KCNQ1: variants seen among roughly 807,000 people sequenced by gnomAD.
KCNQ1 encodes the protein potassium voltage-gated channel subfamily KQT member 1.
KCNQ1 carries 49 observed loss-of-function variants against 72.4 expected under a neutral mutation model. The observed-to-expected ratio is 0.68, with a 90% CI of 0.54 to 0.86. The LOEUF (loss-of-function observed/expected upper bound fraction) is 0.86. KCNQ1 is among the 40% of genes least tolerant of loss of function. KCNQ1 has a pLI of 0.00. For synonymous variants in KCNQ1, 450 were observed against 412.6 expected (o/e 1.09, Z -1.10); for missense variants, 790 against 945.1 (o/e 0.84, Z 2.15).
chr11:2,616,056 A>T, intron 10 of KCNQ1: 1 of 398,064 alleles, frequency 2.5e-6, no homozygotes, highest in Admixed American at 4.4e-5. Flanking sequence ...TCTGCTCATA[A>T]TTTCAATTTC....
intron 15 of KCNQ1, among the ~76,000 whole-genome samples, chr11:2,795,351 G>A (rs1355600133): frequency 6.6e-6 from 1 of 152,354 alleles, no homozygotes; most frequent in South Asian, 2.1e-4. Context: ...AGGGTCTCAG[G>A]TGACCTGTCT....
At chr11:2,449,868 G>A (rs1043742111) in intron 1 of KCNQ1, among the ~76,000 whole-genome samples, 3 of 152,200 alleles carry the variant, frequency 2.0e-5, no homozygotes, top group African/African-American at 7.2e-5. Context: ...CTGCTCACAC[G>A]AGCAAGCGTC....
At chr11:2,635,797 G>T (rs1849455113) in intron 10 of KCNQ1, 1 of 152,174 alleles carries the variant, frequency 6.6e-6, no homozygotes, top group African/African-American at 2.4e-5. Flanking sequence ...TCATGATACT[G>T]ATTCTCCCTA....
At chr11:2,527,830 T>C (rs947189769) in intron 1 of KCNQ1, 98 bp from the exon 2 acceptor site, 11 of 995,350 alleles carry the variant, frequency 1.1e-5, no homozygotes, top group Non-Finnish European at 3.2e-6. Context: ...TGTTCCTACC[T>C]GGGGGCGGGG....
rs1201038453 is a variant in KCNQ1, at chr11:2,495,232, C to T, written c.387-32696C>T. 6.6e-6 allele frequency among the ~76,000 whole-genome samples: 1 copy of T among 151,940 alleles called. No homozygotes were observed. Among genetic ancestry groups the T allele is most frequent in the African/African-American group, 2.4e-5 (1 of 41,356 alleles). ...CATCTATTTGATTCTTCTCTCTTTT[C>T]TTCTTTGTTAGTCTGGCTGGCAGTC... On this transcript the variant is annotated intron_variant, in intron 1 of 15. Transcript: ENST00000155840. This position sits in a 1 kb window ranked among gnomAD's most constrained non-coding sequence, Gnocchi z 4.6.
rs561983748 is a variant in KCNQ1 at position 2,770,450 on chromosome 11, C to T, written c.1590+1531C>T. Among the ~76,000 whole-genome samples the T allele has an allele frequency of 2.0e-5, 3 of 152,382 alleles. No individual in the cohort carries two copies. In the East Asian group the frequency reaches 5.8e-4, roughly 29 times the overall value. On this transcript the variant is annotated intron_variant, in intron 12 of 15. Transcript: ENST00000155840. ...CCCCAAGAGCAGCCCTCGGCCAGGC[C>T]CTTGCCAAGAGCAGTATGCGGGCCC...
rs116161190 is a variant in KCNQ1, at chr11:2,704,553, A to G, written c.1514+42472A>G. On this transcript the variant is annotated intron_variant, in intron 11 of 15. Transcript: ENST00000155840. This position sits in a 1 kb window ranked among gnomAD's most constrained non-coding sequence, Gnocchi z 4.3. ...GGGGAGTCTCTAGGAGGTTTTGGGC[A>G]AGGCAGTGCCAAGGATCAGATCTCC... Among the ~76,000 whole-genome samples the G allele has an allele frequency of 0.01, 1,540 of 152,294 alleles. 37 individuals are homozygous for G. Among genetic ancestry groups the G allele is most frequent in the African/African-American group, 0.035 (1,443 of 41,556 alleles).
intron 10 of KCNQ1, chr11:2,632,711 A>G (rs1489284396): frequency 1.8e-5 from 7 of 398,284 alleles, no homozygotes; most frequent in Admixed American, 4.4e-5. Context: ...TTCATTTAAC[A>G]TATTATCCAA....
chr11:2,684,938 TTA>T, intron 11 of KCNQ1: 2 of 398,668 alleles, frequency 5.0e-6, no homozygotes, highest in Non-Finnish European at 8.8e-6. Context: ...ATGCAGCATG[TTA>T]TCTTTGTACC....
intron 1 of KCNQ1, among the ~76,000 whole-genome samples, chr11:2,512,200 C>A (rs1847218125): frequency 6.6e-6 from 1 of 152,190 alleles, no homozygotes; most frequent in African/African-American, 2.4e-5. Flanking sequence ...GCCTGCCCAG[C>A]CGGTGACAAT....
chr11:2,804,020 G>A (rs1847326886), intron 15 of KCNQ1, among the ~76,000 whole-genome samples: 1 of 152,188 alleles, frequency 6.6e-6, no homozygotes, highest in African/African-American at 2.4e-5. Flanking sequence ...AAGGCAGAGG[G>A]GAAAGGACGG....
At position 2,544,370 on chromosome 11, in the gene KCNQ1, GTATA is replaced by G. The variant is rs1398058276; in HGVS notation, c.477+16358_477+16361del. ...TGTATATATATGTGTATATATATGT[GTATA>G]TATATGTGTGCATATATGTGTATAT... On this transcript the variant is annotated intron_variant, in intron 2 of 15. Coordinates refer to ENST00000155840, the MANE Select transcript of KCNQ1 (RefSeq NM_000218.3). The surrounding 1 kb of genome is among the most constrained non-coding windows in gnomAD (Gnocchi z 4.4). Among the ~76,000 whole-genome samples, 5 of 143,628 alleles carry G rather than the reference GTATA, an allele frequency of 3.5e-5. No individual in the cohort carries two copies. Among genetic ancestry groups the G allele is most frequent in the African/African-American group, 1.0e-4 (4 of 38,292 alleles). The allele number at this position is 143,628 out of a possible 152,430, so 94.2% of individuals were successfully genotyped here.
At position 2,462,301 on chromosome 11, in the gene KCNQ1, G is replaced by A. The variant is rs921513523; in HGVS notation, c.386+16817G>A. The stretch of plus-strand genomic sequence containing the variant: ...TGTGGCTGTGGACGAGGGCAGCGTC[G>A]CCATCAGAGGCGATGTCTAGGGCCA... On this transcript the variant is annotated intron_variant, in intron 1 of 15. Transcript: ENST00000155840. This position sits in a 1 kb window ranked among gnomAD's most constrained non-coding sequence, Gnocchi z 8.2. 2.1e-4 allele frequency among the ~76,000 whole-genome samples: 32 copies of A among 152,146 alleles called. No individual in the cohort carries two copies. The highest frequency in any genetic ancestry group is 1.2e-4 in the Non-Finnish European group (8 of 68,012).
intron 15 of KCNQ1, among the ~76,000 whole-genome samples, chr11:2,779,762 G>A (rs976862146): frequency 6.6e-6 from 1 of 152,208 alleles, no homozygotes. Context: ...CACAGCAGCC[G>A]TCCAGCAGCC....
In KCNQ1 at chr11:2,653,192, C is replaced by T; in HGVS notation, c.1394-8769C>T. 1 of 398,760 alleles carries T rather than the reference C, an allele frequency of 2.5e-6. No homozygotes were observed. Among genetic ancestry groups the T allele is most frequent in the Non-Finnish European group, 4.4e-6 (1 of 226,132 alleles). 24.7% of individuals were successfully genotyped at this position (398,760 alleles called of 1,614,324 possible). A position where few individuals can be genotyped will look rare whatever the true frequency, so the allele number is the denominator to read the frequency against. On this transcript the variant is annotated intron_variant, in intron 10 of 15. Transcript: ENST00000155840. This position sits in a 1 kb window ranked among gnomAD's most constrained non-coding sequence, Gnocchi z 5.3. ...AATCCCTTTCCAAGAGTTCCCTGTGCTGTTGCAGGGCTAGGGCCAGGGCCT... is the reference window on the plus strand; with the variant it reads ...AATCCCTTTCCAAGAGTTCCCTGTGTTGTTGCAGGGCTAGGGCCAGGGCCT...
At chr11:2,466,856 C>G (rs1846359284) in intron 1 of KCNQ1, among the ~76,000 whole-genome samples, 1 of 152,236 alleles carries the variant, frequency 6.6e-6, no homozygotes, top group Non-Finnish European at 1.5e-5. Context: ...AGGGCCTGGC[C>G]CCTGCGCTCT....
At position 2,592,469 on chromosome 11, in the gene KCNQ1, C is replaced by T. The variant is rs1010009397; in HGVS notation, c.1393+3615C>T. Among the ~76,000 whole-genome samples the T allele has an allele frequency of 3.9e-5, 6 of 152,176 alleles. No homozygotes were observed. The highest frequency in any genetic ancestry group is 7.2e-5 in the African/African-American group (3 of 41,452). ...AGGCACCAGCCCTCATCCCACGCAG[C>T]AGGGCCCGCTGCTGCTCCCTCAACC... On this transcript the variant is annotated intron_variant, in intron 10 of 15. Transcript: ENST00000155840. This position sits in a 1 kb window ranked among gnomAD's most constrained non-coding sequence, Gnocchi z 5.2.
At position 2,461,550 on chromosome 11, in the gene KCNQ1, G is replaced by A. The variant is rs769444060; in HGVS notation, c.386+16066G>A. On this transcript the variant is annotated intron_variant, in intron 1 of 15. Transcript: ENST00000155840. Reference sequence around the variant, plus strand: ...TGGAGTGTAGGATGGCACTGGTGCCGGGCCTGGATTTACTCAGCCCAGATC... The same window carrying A: ...TGGAGTGTAGGATGGCACTGGTGCCAGGCCTGGATTTACTCAGCCCAGATC... The A allele has an allele frequency of 8.1e-6, 11 of 1,350,770 alleles. No homozygotes were observed. The highest frequency in any genetic ancestry group is 3.0e-5 in the African/African-American group (2 of 67,640). 83.7% of individuals were successfully genotyped at this position (1,350,770 alleles called of 1,614,324 possible). A position where few individuals can be genotyped will look rare whatever the true frequency, so the allele number is the denominator to read the frequency against.
Position 2,673,979 on chromosome 11 carries a change from G to C in KCNQ1, c.1514+11898G>C, listed in dbSNP as rs998681304. On this transcript the variant is annotated intron_variant, in intron 11 of 15. Coordinates refer to ENST00000155840, the MANE Select transcript of KCNQ1 (RefSeq NM_000218.3). The surrounding 1 kb of genome is among the most constrained non-coding windows in gnomAD (Gnocchi z 4.5). ...CAGCCACAAGGGGATGCCCAGCATTGGGGGTGGGGTGGGGGGAGGGCCCTC... is the reference window on the plus strand; with the variant it reads ...CAGCCACAAGGGGATGCCCAGCATTCGGGGTGGGGTGGGGGGAGGGCCCTC... 4.2e-6 allele frequency: 1 copy of C among 235,742 alleles called. No homozygotes were observed. The highest frequency in any genetic ancestry group is 2.3e-5 in the African/African-American group (1 of 43,120). 14.6% of individuals were successfully genotyped at this position (235,742 alleles called of 1,614,324 possible). A position where few individuals can be genotyped will look rare whatever the true frequency, so the allele number is the denominator to read the frequency against.
Sources: gnomAD v4.1 joint callset for allele counts (sites outside exome capture counted in the v4.1 genomes callset) on GRCh38, gnomAD v4.1.1 for gene constraint, Gnocchi (gnomAD v3.1) non-coding constraint, MANE v1.5 for transcripts, NCBI Gene and HGNC (gene_info 2026-07-23, HGNC 2026-07-21) for gene names.